Variants in RAD51B observed in about 807,000 individuals in gnomAD.
The protein encoded by RAD51B is RAD51 paralog B, also known as DNA repair protein RAD51 homolog 2.
RAD51B carries 38 observed loss-of-function variants against 42.2 expected under a neutral mutation model. The observed-to-expected ratio is 0.90, with a 90% confidence interval of 0.70 to 1.18. The LOEUF (loss-of-function observed/expected upper bound fraction) is 1.18. Among genes scored for constraint, RAD51B ranks in the 50% most tolerant of loss-of-function variants. The pLI is 0.00. For missense variants in RAD51B, 373 were observed against 400.7 expected (o/e 0.93, Z 0.59); for synonymous variants, 154 against 145.2 (o/e 1.06, Z -0.43).
chr14:68,650,733 T>C (rs74506607), intron 10 of RAD51B: 48,952 of 720,396 alleles, frequency 0.068, 2,018 homozygotes, highest in Middle Eastern at 0.15. Flanking sequence ...CCTCTCAAAA[T>C]AGGAAAAGCT....
chr14:68,128,167 A>G (rs551605083), intron 7 of RAD51B, among the ~76,000 whole-genome samples: 1 of 152,344 alleles, frequency 6.6e-6, no homozygotes, highest in South Asian at 2.1e-4. Flanking sequence ...AAGCTGGAAT[A>G]TGAGTTTGGT....
intron 10 of RAD51B, chr14:68,541,226 C>T: frequency 1.0e-6 from 1 of 985,412 alleles, no homozygotes; most frequent in Non-Finnish European, 1.2e-6. Context: ...TCGGGCTCCT[C>T]TTTTCTTGAA....
intron 11 of RAD51B, among the ~76,000 whole-genome samples, chr14:68,660,970 C>T (rs1281394306): frequency 3.9e-5 from 6 of 152,096 alleles, no homozygotes; most frequent in Non-Finnish European, 7.4e-5. Flanking sequence ...CACCAAATCG[C>T]GTATAGTGTC....
intron 7 of RAD51B, among the ~76,000 whole-genome samples, chr14:68,155,028 A>G (rs1595481042): frequency 6.6e-6 from 1 of 152,168 alleles, no homozygotes; most frequent in Non-Finnish European, 1.5e-5. Flanking sequence ...ACATTTGCAT[A>G]ACACAATTTT....
chr14:68,556,608 A>T (rs1888859705), intron 10 of RAD51B, among the ~76,000 whole-genome samples: 1 of 152,230 alleles, frequency 6.6e-6, no homozygotes, highest in Non-Finnish European at 1.5e-5. Context: ...CAAATGTCCC[A>T]GAAGGTTTGA....
chr14:68,239,209 A>C (rs1014182170), intron 7 of RAD51B, among the ~76,000 whole-genome samples: 31 of 151,864 alleles, frequency 2.0e-4, no homozygotes, highest in African/African-American at 7.5e-4. Flanking sequence ...ACCTGGGGGG[A>C]TGTGGTTAGA....
At chr14:67,832,101 G>T (rs1277719222) in intron 3 of RAD51B, among the ~76,000 whole-genome samples, 1 of 152,162 alleles carries the variant, frequency 6.6e-6, no homozygotes, top group Non-Finnish European at 1.5e-5. Flanking sequence ...TTATGTTAGG[G>T]AATATTATGT....
At chr14:67,821,291 G>T (rs541387689) in intron 1 of RAD51B, among the ~76,000 whole-genome samples, 1 of 152,350 alleles carries the variant, frequency 6.6e-6, no homozygotes, top group African/African-American at 2.4e-5. Context: ...TCAGCAGGGT[G>T]TGTATTTAAA....
chr14:68,548,140 T>C (rs1253825769), intron 10 of RAD51B, among the ~76,000 whole-genome samples: 1 of 152,218 alleles, frequency 6.6e-6, no homozygotes, highest in African/African-American at 2.4e-5. Context: ...CTCTGTTAAT[T>C]GCCTCCTCTC....
intron 7 of RAD51B, among the ~76,000 whole-genome samples, chr14:67,973,565 C>A (rs554070355): frequency 1.2e-4 from 19 of 152,212 alleles, no homozygotes; most frequent in African/African-American, 4.1e-4. Flanking sequence ...AAAAAGAAAA[C>A]CCAAATCCAA....
chr14:68,652,668 A>C (rs1892727119), intron 11 of RAD51B, among the ~76,000 whole-genome samples: 1 of 152,214 alleles, frequency 6.6e-6, no homozygotes, highest in Admixed American at 6.5e-5. Context: ...CTCCTGTGTT[A>C]CTGGAAAATA....
intron 10 of RAD51B, among the ~76,000 whole-genome samples, chr14:68,585,743 A>G (rs527661656): frequency 1.1e-4 from 16 of 152,208 alleles, no homozygotes; most frequent in African/African-American, 3.4e-4. Context: ...GCCACGTTGG[A>G]GAGTGTCACT....
chr14:67,893,449 C>T (rs1421465195), intron 7 of RAD51B, among the ~76,000 whole-genome samples: 2 of 143,380 alleles, frequency 1.4e-5, no homozygotes, highest in African/African-American at 5.3e-5. Flanking sequence ...ACCTCATCTT[C>T]TCACACACAC....
chr14:68,464,814 C>A (rs1012634624), intron 9 of RAD51B, among the ~76,000 whole-genome samples: 2 of 152,238 alleles, frequency 1.3e-5, no homozygotes, highest in Non-Finnish European at 2.9e-5. Flanking sequence ...TAACTTATCA[C>A]TTCCTTTTTT....
chr14:68,352,938 G>A (rs2082820400), intron 8 of RAD51B, among the ~76,000 whole-genome samples: 1 of 152,156 alleles, frequency 6.6e-6, no homozygotes, highest in African/African-American at 2.4e-5. Flanking sequence ...GAAAAGTGAG[G>A]CTGGTACTAT....
intron 7 of RAD51B, among the ~76,000 whole-genome samples, chr14:67,998,812 C>T (rs2075430679): frequency 6.6e-6 from 1 of 152,144 alleles, no homozygotes; most frequent in African/African-American, 2.4e-5. Context: ...TATATGAGTA[C>T]TGGGAATTAT....
chr14:68,200,713 G>A (rs897158252), intron 7 of RAD51B, among the ~76,000 whole-genome samples: 1 of 152,120 alleles, frequency 6.6e-6, no homozygotes, highest in African/African-American at 2.4e-5. Flanking sequence ...GAGTGCAGTG[G>A]TGTGATCACG....
chr14:67,872,719 T>C (rs912783321), intron 5 of RAD51B, among the ~76,000 whole-genome samples: 3 of 151,320 alleles, frequency 2.0e-5, no homozygotes, highest in Non-Finnish European at 3.0e-5. Flanking sequence ...CAAAACAGCA[T>C]GGTACTGGTA....
At chr14:68,258,107 G>A (rs80279807) in intron 7 of RAD51B, among the ~76,000 whole-genome samples, 1 of 152,108 alleles carries the variant, frequency 6.6e-6, no homozygotes, top group South Asian at 2.1e-4. Context: ...AGTGAGCTGT[G>A]TGAGTGATAT....
Sources: gnomAD v4.1 joint callset for allele counts (sites outside exome capture counted in the v4.1 genomes callset) on GRCh38, gnomAD v4.1.1 for gene constraint, MANE v1.5 for transcripts, NCBI Gene and HGNC (gene_info 2026-07-23, HGNC 2026-07-21) for gene names.